IL32: variants seen among roughly 807,000 people sequenced by gnomAD.
IL32 encodes the protein interleukin-32.
Under a neutral mutation model 16.6 loss-of-function variants are expected in IL32, and 30 were observed. The observed-to-expected ratio is 1.81, with a 90% confidence interval of 1.35 to 2.45. The LOEUF is 2.45. IL32 is among the 30% of genes most tolerant of loss of function. The pLI is 0.00. For missense variants in IL32, 234 were observed against 229.8 expected (o/e 1.02, Z -0.12); for synonymous variants, 70 against 86.1 (o/e 0.81, Z 1.03).
Position 3,067,592 on chromosome 16 carries a change from T to C in IL32, c.93T>C (p.Asn31=), listed in dbSNP as rs1176393759. Residue 31 remains asparagine, a synonymous_variant, in exon 4 of 7, where the codon AAT becomes AAC. Coordinates refer to ENST00000525643, the MANE Select transcript of IL32 (RefSeq NM_001376923.1). ...AIERFYDKMQ[N]AESGRGQVMS... ...AAAGATTTTATGATAAAATGCAAAA[T>C]GCAGAATCAGGACGTGGACAGGTGG... The C allele has an allele frequency of 1.2e-6, 2 of 1,613,624 alleles. No individual in the cohort carries two copies. Among genetic ancestry groups the C allele is most frequent in the Admixed American group, 1.7e-5 (1 of 60,016 alleles).
intron 6 of IL32, chr16:3,068,472 AT>A (rs932510694): frequency 2.8e-5 from 15 of 539,592 alleles, no homozygotes; most frequent in Non-Finnish European, 3.7e-5. Flanking sequence ...CTCCAGGCTG[AT>A]TTTTTTTGTG....
chr16:3,068,064 C>G lies in IL32; in HGVS notation c.141+54C>G. 5.0e-6 allele frequency: 8 copies of G among 1,609,870 alleles called. 1 individual carries two copies. Among genetic ancestry groups the G allele is most frequent in the Middle Eastern group, 3.3e-4 (2 of 6,050 alleles). ...CTTAGTCCCTGGGTCTTAGGCTCCA[C>G]AGGACACTGGGTCTGGGCCCCGGGT... On this transcript the variant is annotated intron_variant, in intron 5 of 6. Transcript: ENST00000525643.
At position 3,065,944 on chromosome 16, in the gene IL32, G is replaced by C. The variant is rs527798842; in HGVS notation, c.15+118G>C. On this transcript the variant is annotated intron_variant, in intron 2 of 6. Coordinates refer to ENST00000525643, the MANE Select transcript of IL32 (RefSeq NM_001376923.1). The stretch of plus-strand genomic sequence containing the variant: ...GTCAGGGCTCAGTCAGGGGCACCCA[G>C]CGGCAGGAGGATAGTGATGGGGTGA... The C allele has an allele frequency of 1.3e-5, 16 of 1,206,346 alleles. 1 individual carries two copies. The Admixed American group carries it at 2.7e-4, about 20-fold the overall frequency. 74.7% of individuals were successfully genotyped at this position (1,206,346 alleles called of 1,614,324 possible).
chr16:3,067,984 G>T lies in IL32; in HGVS notation c.115G>T (p.Val39Leu). The T allele has an allele frequency of 6.2e-7, 1 of 1,614,158 alleles. No individual in the cohort carries two copies. The highest frequency in any genetic ancestry group is 8.5e-7 in the Non-Finnish European group (1 of 1,179,982). ...GAACCGAGTGCTTTGTTCCTAACAG[G>T]TGATGTCGAGCCTGGCAGAGCTGGA... ...MQNAESGRGQVMSSLAELEDD... is the reference protein window; with the variant it reads ...MQNAESGRGQLMSSLAELEDD... Residue 39 changes from valine to leucine, a missense_variant and splice_region_variant, in exon 5 of 7, where the codon GTG becomes TTG. Coordinates refer to ENST00000525643, the MANE Select transcript of IL32 (RefSeq NM_001376923.1).
chr16:3,066,255 T>G (rs2239301), intron 2 of IL32, among the ~76,000 whole-genome samples: 61,910 of 151,900 alleles, frequency 0.41, 13,499 homozygotes, highest in East Asian at 0.73. Flanking sequence ...CCGCAAATGC[T>G]AGGCCCACCA....
At chr16:3,065,948 C>A in intron 2 of IL32, 122 bp downstream of exon 2, 4 of 1,188,760 alleles carry the variant, frequency 3.4e-6, no homozygotes, top group Admixed American at 1.7e-5. Context: ...CACCCAGCGG[C>A]AGGAGGATAG....
Position 3,067,622 on chromosome 16 carries a change from ATTTCCCCTCAGGCACCAGGTCACAT to A in IL32, c.114+10_114+34del, listed in dbSNP as rs1309637007. ...AATCAGGACGTGGACAGGTGGGTGGATTTCCCCTCAGGCACCAGGTCACATGTCCCCGCCCCCAGGCACTCCACCC... is the reference window on the plus strand; with the variant it reads ...AATCAGGACGTGGACAGGTGGGTGGAGTCCCCGCCCCCAGGCACTCCACCC... On this transcript the variant is annotated intron_variant, in intron 4 of 6. Transcript: ENST00000525643. The A allele has an allele frequency of 6.3e-7, 1 of 1,594,778 alleles. No individual in the cohort carries two copies. The highest frequency in any genetic ancestry group is 8.6e-7 in the Non-Finnish European group (1 of 1,164,928).
intron 4 of IL32, 24 bp downstream of exon 4, chr16:3,067,637 C>G (rs969298612): frequency 1.3e-6 from 2 of 1,550,846 alleles, no homozygotes; most frequent in Non-Finnish European, 1.8e-6. Flanking sequence ...CCCTCAGGCA[C>G]CAGGTCACAT....
chr16:3,067,778 G>C, intron 4 of IL32, 165 bp downstream of exon 4: 1 of 803,520 alleles, frequency 1.2e-6, no homozygotes, highest in South Asian at 1.6e-5. Context: ...GGCGGGTGGG[G>C]GATCTGGACG....
At position 3,067,986 on chromosome 16, in the gene IL32, G is replaced by A. The variant is rs1956603050; in HGVS notation, c.117G>A (p.Val39=). ...MQNAESGRGQ[V]MSSLAELEDD... Reference sequence around the variant, plus strand: ...ACCGAGTGCTTTGTTCCTAACAGGTGATGTCGAGCCTGGCAGAGCTGGAGG... The same window carrying A: ...ACCGAGTGCTTTGTTCCTAACAGGTAATGTCGAGCCTGGCAGAGCTGGAGG... The change falls in exon 5 of 7, where the codon GTG becomes GTA. Residue 39 remains valine (V), a splice_region_variant and synonymous_variant. Coordinates refer to ENST00000525643, the MANE Select transcript of IL32 (RefSeq NM_001376923.1). 6.2e-7 allele frequency: 1 copy of A among 1,614,158 alleles called. No individual in the cohort carries two copies. The highest frequency in any genetic ancestry group is 1.1e-5 in the South Asian group (1 of 91,082).
chr16:3,068,741 C>T (rs1956721061), intron 6 of IL32: 2 of 570,582 alleles, frequency 3.5e-6, no homozygotes, highest in African/African-American at 3.8e-5. Context: ...GCACAGCCCT[C>T]AAGGCACGAT....
chr16:3,068,050 G>T, intron 5 of IL32, 40 bp downstream of exon 5: 1 of 1,612,922 alleles, frequency 6.2e-7, no homozygotes, highest in Non-Finnish European at 8.5e-7. Flanking sequence ...TTAGTCCCTG[G>T]GTCTTAGGCT....
Position 3,067,981 on chromosome 16 carries a change from C to T in IL32, c.115-3C>T, listed in dbSNP as rs370226158. 1 of 1,614,096 alleles carries T rather than the reference C, an allele frequency of 6.2e-7. No homozygotes were observed. Among genetic ancestry groups the T allele is most frequent in the South Asian group, 1.1e-5 (1 of 91,080 alleles). On this transcript the variant is annotated splice_polypyrimidine_tract_variant and splice_region_variant and intron_variant, in intron 4 of 6. Coordinates refer to ENST00000525643, the MANE Select transcript of IL32 (RefSeq NM_001376923.1). The stretch of plus-strand genomic sequence containing the variant: ...CTGGAACCGAGTGCTTTGTTCCTAA[C>T]AGGTGATGTCGAGCCTGGCAGAGCT...
chr16:3,067,289 G>GTGTGTGTGTGTCTC lies in IL32; in HGVS notation c.16-77_16-76insCTCTGTGTGTGTGT, dbSNP rs1555442513. On this transcript the variant is annotated intron_variant, in intron 2 of 6. Transcript: ENST00000525643. Reference sequence around the variant, plus strand: ...TGTGTCTCTGTGTGTGTGTGTGTGTGTGTGTGTGTGTGTGTGTGTGTATAA... The same window carrying GTGTGTGTGTGTCTC: ...TGTGTCTCTGTGTGTGTGTGTGTGTGTGTGTGTGTGTCTCTGTGTGTGTGTGTGTGTGTGTATAA... The GTGTGTGTGTGTCTC allele has an allele frequency of 5.7e-4, 319 of 559,136 alleles. 1 individual carries two copies. The Admixed American group carries it at 0.01, about 18-fold the overall frequency. The allele number at this position is 559,136 out of a possible 1,614,324, so 34.6% of individuals were successfully genotyped here. A position where few individuals can be genotyped will look rare whatever the true frequency, so the allele number is the denominator to read the frequency against.
intron 2 of IL32, 108 bp downstream of exon 2, chr16:3,065,934 G>A: frequency 7.5e-7 from 1 of 1,324,848 alleles, no homozygotes. Context: ...GGCTCAGTCA[G>A]GGGCACCCAG....
chr16:3,067,273 GTGTGTGTGTGTGTGTGT>G (rs1956463629), intron 2 of IL32, 87 bp from the exon 3 acceptor site: 1 of 134,822 alleles, frequency 7.4e-6, no homozygotes, highest in South Asian at 1.2e-4. Context: ...ATGTGTCTCT[GTGTGTGTGTGTGTGTGT>G]GTGTGTGTGT....
intron 2 of IL32, among the ~76,000 whole-genome samples, chr16:3,067,040 A>T (rs2179015): frequency 0.09 from 3,378 of 37,340 alleles, 450 homozygotes; most frequent in African/African-American, 0.16. Context: ...AGGCCCACGC[A>T]GGCCCTGCTC....
At chr16:3,067,852 G>T in intron 4 of IL32, 132 bp from the exon 5 acceptor site, 1 of 1,093,100 alleles carries the variant, frequency 9.1e-7, no homozygotes, top group South Asian at 1.3e-5. Flanking sequence ...AGGGGTGCCA[G>T]ACGTGGCCCG....
Position 3,069,396 on chromosome 16 carries a change from C to T in IL32, c.*41C>T, listed in dbSNP as rs748660588. On this transcript the variant is annotated 3_prime_UTR_variant, in exon 7 of 7. Transcript: ENST00000525643. ...CTTTGCCCTCCCCGTCACCGCGCACCCACCCTGACCCCTCCCTCAGCTGTC... is the reference window on the plus strand; with the variant it reads ...CTTTGCCCTCCCCGTCACCGCGCACTCACCCTGACCCCTCCCTCAGCTGTC... The T allele has an allele frequency of 6.5e-7, 1 of 1,544,196 alleles. No individual in the cohort carries two copies. The highest frequency in any genetic ancestry group is 1.9e-5 in the Admixed American group (1 of 51,564).
Sources: gnomAD v4.1 joint callset for allele counts (sites outside exome capture counted in the v4.1 genomes callset) on GRCh38, gnomAD v4.1.1 for gene constraint, MANE v1.5 for transcripts, NCBI Gene and HGNC (gene_info 2026-07-23, HGNC 2026-07-21) for gene names.